Variants in ARSG observed in about 807,000 individuals in gnomAD.
The protein encoded by ARSG is ASG.
Under a neutral mutation model 50.5 loss-of-function variants are expected in ARSG, and 37 were observed. That is an observed-to-expected ratio of 0.73 (90% confidence interval 0.56 to 0.96). The LOEUF is 0.96. ARSG is among the 50% of genes least tolerant of loss of function. The pLI, the probability that ARSG is intolerant of heterozygous loss-of-function variation, is 0.00. For synonymous variants in ARSG, 225 were observed against 254.6 expected, an observed-to-expected ratio of 0.88 and a Z score of 1.11; for missense variants, 629 against 675.3, an observed-to-expected ratio of 0.93 and a Z score of 0.76.
At chr17:68,396,015 GT>G (rs200577774) in intron 10 of ARSG, among the ~76,000 whole-genome samples, 4 of 144,660 alleles carry the variant, frequency 2.8e-5, no homozygotes, top group Non-Finnish European at 3.0e-5. Flanking sequence ...TTTTTTTTTT[GT>G]TTTTTTTTTT....
the ARSG span, chr17:68,444,557 A>G: frequency 6.2e-7 from 1 of 1,614,112 alleles, no homozygotes; most frequent in Admixed American, 1.7e-5. Flanking sequence ...TGTTGTGAAT[A>G]TAAATGGACT....
At chr17:68,434,758 G>C in the ARSG span, 1 of 829,876 alleles carries the variant, frequency 1.2e-6, no homozygotes, top group Non-Finnish European at 1.9e-6. Flanking sequence ...GTTGAGCATA[G>C]AGGCATGTTT....
At chr17:68,426,251 G>GGGGGGGT, downstream of ARSG, 9 of 825,454 alleles carry the variant, frequency 1.1e-5, no homozygotes, top group Admixed American at 2.3e-5. Context: ...GTGGGGAGCG[G>GGGGGGGT]GGGCTCAAAT....
chr17:68,356,815 T>C lies in ARSG; in HGVS notation c.704+11T>C. 2 of 1,613,992 alleles carry C rather than the reference T, an allele frequency of 1.2e-6. No individual in the cohort carries two copies. The highest frequency in any genetic ancestry group is 1.7e-4 in the Middle Eastern group (1 of 6,012). On this transcript the variant is annotated intron_variant, in intron 6 of 11. Coordinates refer to ENST00000621439, the MANE Select transcript of ARSG (RefSeq NM_001267727.2). ...CATCCAGCGTGCAAGGTGAGGAGTC[T>C]CCCTCCCTCCGCAGGGCCTCCCCCT...
the ARSG span, chr17:68,434,519 C>T: frequency 3.2e-5 from 52 of 1,610,266 alleles, no homozygotes; most frequent in African/African-American, 1.5e-4. Flanking sequence ...GGGACTTCTG[C>T]GGGGACTTTA....
chr17:68,278,554 C>T (rs1555751783), intron 1 of ARSG, among the ~76,000 whole-genome samples: 1 of 151,998 alleles, frequency 6.6e-6, no homozygotes. Context: ...CCTACGTCAG[C>T]CTCCCAAGTA....
rs534131322 is a variant in ARSG at position 68,309,324 on chromosome 17, G to C, written c.218+1613G>C. 5.1e-3 allele frequency among the ~76,000 whole-genome samples: 777 copies of C among 152,356 alleles called. 9 individuals are homozygous for C. The highest frequency in any genetic ancestry group is 0.048 in the South Asian group (234 of 4,830). ...ACCTCCCTGCAAGCCGAGGGAGCCG[G>C]CTCTCGCCTTGGCCAGCCTAGAAAG... On this transcript the variant is annotated intron_variant, in intron 2 of 11. Coordinates refer to ENST00000621439, the MANE Select transcript of ARSG (RefSeq NM_001267727.2).
intron 4 of ARSG, among the ~76,000 whole-genome samples, chr17:68,347,800 T>C (rs2078581234): frequency 6.6e-6 from 1 of 152,268 alleles, no homozygotes; most frequent in South Asian, 2.1e-4. Context: ...TAAAGGCATT[T>C]ACCATGATCT....
chr17:68,361,100 C>T (rs552711396), intron 6 of ARSG, among the ~76,000 whole-genome samples: 9 of 152,212 alleles, frequency 5.9e-5, no homozygotes, highest in South Asian at 4.1e-4. Context: ...GCTGGGATTA[C>T]GGGTGTGAGC....
chr17:68,389,210 G>A (rs1319620897), intron 9 of ARSG, among the ~76,000 whole-genome samples: 3 of 152,160 alleles, frequency 2.0e-5, no homozygotes, highest in African/African-American at 7.2e-5. Flanking sequence ...GGTAGTGGTG[G>A]TTGGTGGAGG....
chr17:68,406,670 G>C (rs372154087), intron 11 of ARSG, among the ~76,000 whole-genome samples: 1 of 152,108 alleles, frequency 6.6e-6, no homozygotes, highest in African/African-American at 2.4e-5. Flanking sequence ...TTGGCCATTT[G>C]TATACTTTTG....
chr17:68,431,962 C>T, the ARSG span, among the ~76,000 whole-genome samples: 35 of 152,124 alleles, frequency 2.3e-4, no homozygotes, highest in Admixed American at 7.9e-4. Flanking sequence ...ACAGCTCAGC[C>T]GCCCTCTAGT....
At chr17:68,366,248 AAT>A (rs1302583575) in intron 6 of ARSG, among the ~76,000 whole-genome samples, 2 of 152,136 alleles carry the variant, frequency 1.3e-5, no homozygotes, top group African/African-American at 4.8e-5. Flanking sequence ...AAAAAAATAA[AAT>A]AAAATAAAAT....
chr17:68,289,396 C>G (rs2075915529), upstream of ARSG, among the ~76,000 whole-genome samples: 1 of 152,020 alleles, frequency 6.6e-6, no homozygotes, highest in Non-Finnish European at 1.5e-5. Flanking sequence ...GGCCCGAGGG[C>G]ATGAAAAAAA....
chr17:68,388,617 GAAACAATCTTATTT>G (rs2080838760), intron 9 of ARSG, among the ~76,000 whole-genome samples: 1 of 152,120 alleles, frequency 6.6e-6, no homozygotes, highest in Non-Finnish European at 1.5e-5. Flanking sequence ...AAAAGGACTT[GAAACAATCTTATTT>G]GAAAAACAGC....
downstream of ARSG, chr17:68,427,054 G>T: frequency 8.4e-7 from 1 of 1,183,624 alleles, no homozygotes. Flanking sequence ...CAGTGAAGGG[G>T]GAAGGGGAGG....
Position 68,420,473 on chromosome 17 carries a change from T to C in ARSG, c.*10T>C, listed in dbSNP as rs374705157. ...CTGTCAAGCCGCATAACAGACCAAT[T>C]TTTATTCCACGAGGAGGAGTACCTG... On this transcript the variant is annotated 3_prime_UTR_variant, in exon 12 of 12. Transcript: ENST00000621439. 134 of 1,603,398 alleles carry C rather than the reference T, an allele frequency of 8.4e-5. No individual in the cohort carries two copies. Among genetic ancestry groups the C allele is most frequent in the Non-Finnish European group, 1.1e-4 (126 of 1,172,048 alleles).
chr17:68,286,203 G>A (rs1555754301), intron 1 of ARSG, among the ~76,000 whole-genome samples: 1 of 152,222 alleles, frequency 6.6e-6, no homozygotes, highest in African/African-American at 2.4e-5. Flanking sequence ...CAGCACTGAA[G>A]TTCTGGTGCC....
intron 4 of ARSG, among the ~76,000 whole-genome samples, chr17:68,348,776 C>T (rs558996279): frequency 6.6e-6 from 1 of 152,202 alleles, no homozygotes; most frequent in African/African-American, 2.4e-5. Context: ...AGGAGGAAGT[C>T]GGAAAAAAAC....
Sources: allele counts gnomAD v4.1 joint callset (sites outside exome capture counted in the v4.1 genomes callset), GRCh38; gene constraint gnomAD v4.1.1; transcripts MANE v1.5; gene names NCBI Gene and HGNC (gene_info 2026-07-23, HGNC 2026-07-21).